Variants in SPATA6 observed in about 807,000 individuals in gnomAD.
SPATA6 encodes spermatogenesis-associated protein 6.
A neutral mutation model predicts 65.3 loss-of-function variants in SPATA6; 56 were observed. The ratio of observed to expected loss-of-function variants is 0.86; its 90% CI spans 0.69 to 1.07. SPATA6 has a LOEUF of 1.07. Among genes scored for constraint, SPATA6 ranks in the 50% least tolerant of loss-of-function variants. The pLI, the probability that SPATA6 is intolerant of heterozygous loss-of-function variation, is 0.00. For missense variants in SPATA6, 590 were observed against 594.8 expected, an observed-to-expected ratio of 0.99 and a Z score of 0.08; for synonymous variants, 199 against 213.2, an observed-to-expected ratio of 0.93 and a Z score of 0.58.
At chr1:48,430,318 A>G (rs1654280150) in intron 3 of SPATA6, among the ~76,000 whole-genome samples, 1 of 152,200 alleles carries the variant, frequency 6.6e-6, no homozygotes, top group Non-Finnish European at 1.5e-5. Context: ...GTCAGAAGGC[A>G]GTAGGCTCGT....
chr1:48,364,331 T>C (rs1646923378), intron 9 of SPATA6, among the ~76,000 whole-genome samples: 1 of 152,238 alleles, frequency 6.6e-6, no homozygotes, highest in South Asian at 2.1e-4. Flanking sequence ...ATGGGATGGC[T>C]GGGTCAAATG....
At chr1:48,447,836 T>G (rs915829391) in intron 3 of SPATA6, 1 of 151,942 alleles carries the variant, frequency 6.6e-6, no homozygotes, top group Non-Finnish European at 1.5e-5. Flanking sequence ...AATTAGACAA[T>G]ATCTTAAAAT....
chr1:48,273,503 A>G, the SPATA6 span, among the ~76,000 whole-genome samples: 1 of 152,042 alleles, frequency 6.6e-6, no homozygotes, highest in African/African-American at 2.4e-5. Flanking sequence ...CCTCCACCCC[A>G]CAACAGGCCC....
chr1:48,379,279 A>G (rs956806205), intron 9 of SPATA6, among the ~76,000 whole-genome samples: 12 of 152,138 alleles, frequency 7.9e-5, no homozygotes, highest in African/African-American at 2.9e-4. Flanking sequence ...AGCAAGGGGG[A>G]AATTGCCTTC....
Position 48,295,558 on chromosome 1 carries a change from G to C in SPATA6, c.*3155C>G, listed in dbSNP as rs763664736. On this transcript the variant is annotated 3_prime_UTR_variant, in exon 13 of 13. Coordinates refer to ENST00000371847, the MANE Select transcript of SPATA6 (RefSeq NM_019073.4). ...GGCATGGAGACAAAAAGCATATAGT[G>C]GTTTCCAGGAGTTGTGGGGAGGAGG... 1 of 152,154 alleles carries C rather than the reference G, an allele frequency of 6.6e-6. No homozygotes were observed. Among genetic ancestry groups the C allele is most frequent in the Non-Finnish European group, 1.5e-5 (1 of 68,008 alleles). The allele number at this position is 152,154 out of a possible 1,614,324, so 9.4% of individuals were successfully genotyped here. A position where few individuals can be genotyped will look rare whatever the true frequency, so the allele number is the denominator to read the frequency against.
At chr1:48,280,395 C>T in the SPATA6 span, among the ~76,000 whole-genome samples, 5,772 of 152,134 alleles carry the variant, frequency 0.038, 356 homozygotes, top group African/African-American at 0.13. Context: ...AATACAGGAG[C>T]TGTTTTTTTG....
At chr1:48,385,267 G>C (rs1459198759) in intron 9 of SPATA6, 42 bp downstream of exon 9, 1 of 1,549,876 alleles carries the variant, frequency 6.5e-7, no homozygotes, top group South Asian at 1.3e-5. Context: ...GTTGTTGTCT[G>C]AAAGCCAGAA....
chr1:48,290,394 T>C (rs566660131), downstream of SPATA6, among the ~76,000 whole-genome samples: 29 of 152,098 alleles, frequency 1.9e-4, no homozygotes, highest in Non-Finnish European at 3.2e-4. Context: ...ACTGCAAAAA[T>C]ATGCCAAATT....
At chr1:48,399,170 A>T in intron 7 of SPATA6, 181 bp downstream of exon 7, 1 of 665,530 alleles carries the variant, frequency 1.5e-6, no homozygotes, top group Non-Finnish European at 2.4e-6. Flanking sequence ...AGGTCTGAAG[A>T]CTGAAAAAAA....
In SPATA6 at chr1:48,298,831, G is replaced by T. The variant is rs1320061608; in HGVS notation, c.1349C>A (p.Ala450Glu). The T allele has an allele frequency of 1.2e-6, 2 of 1,614,024 alleles. No individual in the cohort carries two copies. Among genetic ancestry groups the T allele is most frequent in the Admixed American group, 3.3e-5 (2 of 60,002 alleles). Residue 450 changes from alanine (A) to glutamate (E), a missense_variant, in exon 13 of 13, where the codon GCA becomes GAA. Coordinates refer to ENST00000371847, the MANE Select transcript of SPATA6 (RefSeq NM_019073.4). Reference sequence around the variant, plus strand: ...GTGGGATTTTCCCTTATAAGAGGCTGCCCTGTTGGACCAGTATTCACCGTC... The same window carrying T: ...GTGGGATTTTCCCTTATAAGAGGCTTCCCTGTTGGACCAGTATTCACCGTC... ...LDDGEYWSNR[A>E]ASYKGKSHRP...
At chr1:48,317,814 T>C (rs1645483457) in intron 11 of SPATA6, among the ~76,000 whole-genome samples, 1 of 152,090 alleles carries the variant, frequency 6.6e-6, no homozygotes, top group African/African-American at 2.4e-5. Flanking sequence ...ACCAACTCAT[T>C]CTATAAGGTC....
At chr1:48,427,981 A>G (rs1196967243) in intron 3 of SPATA6, among the ~76,000 whole-genome samples, 3 of 152,070 alleles carry the variant, frequency 2.0e-5, no homozygotes, top group Non-Finnish European at 4.4e-5. Context: ...AACACACTGT[A>G]TTTGGTTTTC....
At chr1:48,443,541 A>G (rs1655721817) in intron 3 of SPATA6, among the ~76,000 whole-genome samples, 2 of 152,218 alleles carry the variant, frequency 1.3e-5, no homozygotes, top group South Asian at 4.1e-4. Context: ...AATCCCAAAT[A>G]CACTCTTTGG....
At chr1:48,345,592 G>T (rs908158110) in intron 11 of SPATA6, among the ~76,000 whole-genome samples, 1 of 151,894 alleles carries the variant, frequency 6.6e-6, no homozygotes, top group African/African-American at 2.4e-5. Context: ...TAAATAGAGT[G>T]CTAGCTAGAC....
chr1:48,451,447 C>G, intron 3 of SPATA6, 105 bp downstream of exon 3: 1 of 960,106 alleles, frequency 1.0e-6, no homozygotes, highest in South Asian at 2.1e-5. Flanking sequence ...TTTTAAAGTT[C>G]TACTAACCCC....
intron 3 of SPATA6, among the ~76,000 whole-genome samples, chr1:48,435,390 T>C (rs1195907408): frequency 7.9e-5 from 12 of 151,654 alleles, no homozygotes; most frequent in Admixed American, 7.2e-4. Flanking sequence ...GCACTCTGTC[T>C]AGCTAAAGGA....
intron 9 of SPATA6, among the ~76,000 whole-genome samples, chr1:48,368,205 C>T (rs1381564435): frequency 1.3e-5 from 2 of 152,146 alleles, no homozygotes; most frequent in East Asian, 1.9e-4. Context: ...GTAACCCGAC[C>T]TTTCTCTCTG....
At chr1:48,311,215 T>C (rs965782467) in intron 11 of SPATA6, among the ~76,000 whole-genome samples, 3 of 151,828 alleles carry the variant, frequency 2.0e-5, no homozygotes, top group Admixed American at 6.6e-5. Flanking sequence ...AACATTAGGA[T>C]GGAAATAAAT....
intron 3 of SPATA6, among the ~76,000 whole-genome samples, chr1:48,432,914 T>C (rs1303469684): frequency 2.6e-5 from 4 of 152,198 alleles, no homozygotes; most frequent in African/African-American, 7.2e-5. Context: ...AGGCTAAATG[T>C]GATGTATGCA....
Sources: allele counts gnomAD v4.1 joint callset (sites outside exome capture counted in the v4.1 genomes callset), GRCh38; gene constraint gnomAD v4.1.1; transcripts MANE v1.5; gene names NCBI Gene and HGNC (gene_info 2026-07-23, HGNC 2026-07-21).